Variants in DNAH12 observed in about 807,000 individuals in gnomAD.
The protein encoded by DNAH12 is axonemal beta dynein heavy chain 12.
In DNAH12, 285 loss-of-function variants were observed where a neutral mutation model predicts 371.5. The ratio of observed to expected loss-of-function variants is 0.77; its 90% CI spans 0.70 to 0.85. The LOEUF (loss-of-function observed/expected upper bound fraction) is 0.85. Among genes scored for constraint, DNAH12 ranks in the 40% least tolerant of loss-of-function variants. The probability of loss-of-function intolerance (pLI) is 0.00; values close to 1 mark genes in which losing one functional copy is unlikely to be tolerated. For synonymous variants in DNAH12, 1,200 were observed against 1,213.0 expected (o/e 0.99, Z 0.22); for missense variants, 3,611 against 3,689.4 (o/e 0.98, Z 0.55).
intron 28 of DNAH12, 53 bp from the exon 29 acceptor site, chr3:57,444,869 C>T (rs1473620141): frequency 7.2e-6 from 11 of 1,517,388 alleles, no homozygotes; most frequent in Admixed American, 4.4e-5. Flanking sequence ...AATTGCAACC[C>T]CACTTCTCCC....
chr3:57,474,574 G>C (rs1398108742), intron 13 of DNAH12, among the ~76,000 whole-genome samples: 3 of 152,116 alleles, frequency 2.0e-5, no homozygotes, highest in Non-Finnish European at 4.4e-5. Context: ...GGGATTTTAG[G>C]CATGAGCCAC....
chr3:57,323,305 T>G lies in DNAH12; in HGVS notation c.10130-45A>C, dbSNP rs571417314. On this transcript the variant is annotated intron_variant, in intron 63 of 73. Transcript: ENST00000495027. ...ATGGTCACACTACTTACTCTAAAATTATAAAAAAGTGCCTTATGTATAGGT... is the reference window on the plus strand; with the variant it reads ...ATGGTCACACTACTTACTCTAAAATGATAAAAAAGTGCCTTATGTATAGGT... 3.9e-6 allele frequency: 6 copies of G among 1,524,226 alleles called. No individual in the cohort carries two copies. The East Asian group carries it at 1.5e-4, about 37-fold the overall frequency. 94.4% of individuals were successfully genotyped at this position (1,524,226 alleles called of 1,614,324 possible). A position where few individuals can be genotyped will look rare whatever the true frequency, so the allele number is the denominator to read the frequency against.
Position 57,300,094 on chromosome 3 carries a change from C to G in DNAH12, c.11394+1641G>C, listed in dbSNP as rs144994758. 7.5e-4 allele frequency among the ~76,000 whole-genome samples: 115 copies of G among 152,322 alleles called. No homozygotes were observed. The East Asian group carries it at 0.021, about 27-fold the overall frequency. ...CTCTAGTACCACCCTACAAAACTTC[C>G]CTCCAGCCCCTGGTTCTTTGCAGAT... On this transcript the variant is annotated intron_variant, in intron 70 of 73. Coordinates refer to ENST00000495027, the MANE Select transcript of DNAH12 (RefSeq NM_001366028.2).
chr3:57,350,997 G>A (rs1553659961), intron 60 of DNAH12, among the ~76,000 whole-genome samples: 1 of 152,126 alleles, frequency 6.6e-6, no homozygotes, highest in African/African-American at 2.4e-5. Flanking sequence ...GGGGCCGGGT[G>A]CAGTGGCTCA....
rs11395278 is a variant in DNAH12, at chr3:57,516,053, C to CTTT, written c.280-5077_280-5075dup. On this transcript the variant is annotated intron_variant, in intron 4 of 73. Coordinates refer to ENST00000495027, the MANE Select transcript of DNAH12 (RefSeq NM_001366028.2). ...CCACTCCATTAATGTACTGCTTAGT[C>CTTT]TTTTTTTTTTTTTTTTTTTTTTTTT... Among the ~76,000 whole-genome samples, 564 of 72,038 alleles carry CTTT rather than the reference C, an allele frequency of 7.8e-3. 10 individuals carry two copies. Among genetic ancestry groups the CTTT allele is most frequent in the East Asian group, 0.039 (74 of 1,910 alleles). The allele number at this position is 72,038 out of a possible 152,430, so 47.3% of individuals were successfully genotyped here. A position where few individuals can be genotyped will look rare whatever the true frequency, so the allele number is the denominator to read the frequency against.
rs1415930598 is a variant in DNAH12, at chr3:57,322,871, G to A, written c.10383+136C>T. The A allele has an allele frequency of 4.8e-5, 61 of 1,261,410 alleles. No individual in the cohort carries two copies. The East Asian group carries it at 8.2e-4, about 17-fold the overall frequency. 78.1% of individuals were successfully genotyped at this position (1,261,410 alleles called of 1,614,324 possible). A position where few individuals can be genotyped will look rare whatever the true frequency, so the allele number is the denominator to read the frequency against. On this transcript the variant is annotated intron_variant, in intron 64 of 73. Transcript: ENST00000495027. ...CTTGAACCCGGGAGGCGAAGTTTGC[G>A]GTGAGCCGAAATTGCGCCACTGCAC...
Position 57,415,524 on chromosome 3 carries a change from CA to C in DNAH12, c.5754del (p.Val1919CysfsTer3), listed in dbSNP as rs1480491418. The stretch of plus-strand genomic sequence containing the variant: ...TTCATTAGCTTATCCTTCACATACA[CA>C]GATTTTCCTGTACCCGTTGGACCCA... Reference protein sequence around the residue: ...LFVGPTGTGKSVYVKDKLMNH... With the variant: ...LFVGPTGTGKXVYVKDKLMNH... On this transcript the variant is annotated frameshift_variant, in exon 38 of 74. Coordinates refer to ENST00000495027, the MANE Select transcript of DNAH12 (RefSeq NM_001366028.2). LOFTEE classifies it high-confidence loss of function. 3 of 1,550,232 alleles carry C rather than the reference CA, an allele frequency of 1.9e-6. No individual in the cohort carries two copies. The African/African-American group carries it at 4.1e-5, about 21-fold the overall frequency.
At chr3:57,549,436 G>A in the DNAH12 span, among the ~76,000 whole-genome samples, 1 of 147,190 alleles carries the variant, frequency 6.8e-6, no homozygotes, top group Non-Finnish European at 1.5e-5. Flanking sequence ...AGAATCGCTT[G>A]AACCCAGGAG....
Position 57,350,705 on chromosome 3 carries a change from A to G in DNAH12, c.9674+1380T>C, listed in dbSNP as rs181175471. Among the ~76,000 whole-genome samples the G allele has an allele frequency of 1.1e-4, 16 of 152,342 alleles. No homozygotes were observed. In the East Asian group the frequency reaches 2.3e-3, roughly 22 times the overall value. Reference sequence around the variant, plus strand: ...AGCAAAAGGCAGCATTAAGAGAAAGAAAAAGCAAACTAGAGAGTGAGTGCC... The same window carrying G: ...AGCAAAAGGCAGCATTAAGAGAAAGGAAAAGCAAACTAGAGAGTGAGTGCC... On this transcript the variant is annotated intron_variant, in intron 60 of 73. Coordinates refer to ENST00000495027, the MANE Select transcript of DNAH12 (RefSeq NM_001366028.2).
chr3:57,497,043 T>C (rs940465041), intron 11 of DNAH12, among the ~76,000 whole-genome samples: 1 of 152,186 alleles, frequency 6.6e-6, no homozygotes, highest in East Asian at 1.9e-4. Flanking sequence ...TAGGAAAATA[T>C]TTGCAAGAGC....
At chr3:57,455,214 T>C (rs1358176612) in intron 22 of DNAH12, among the ~76,000 whole-genome samples, 1 of 152,064 alleles carries the variant, frequency 6.6e-6, no homozygotes, top group African/African-American at 2.4e-5. Context: ...AAGTTTTCTA[T>C]ATAGAATACC....
chr3:57,353,362 A>AG (rs2153322959), intron 59 of DNAH12, among the ~76,000 whole-genome samples: 1 of 151,616 alleles, frequency 6.6e-6, no homozygotes, highest in African/African-American at 2.4e-5. Context: ...GCATGATCAC[A>AG]GCTCATTACA....
chr3:57,293,843 C>G lies in DNAH12; in HGVS notation c.11821G>C (p.Asp3941His), dbSNP rs1372765294. 6.5e-7 allele frequency: 1 copy of G among 1,549,402 alleles called. No homozygotes were observed. Among genetic ancestry groups the G allele is most frequent in the East Asian group, 2.5e-5 (1 of 40,812 alleles). ...NFVIAMLLKT[D>H]QPTRHWIKRG... ...TTGATCCAGTGCCGAGTAGGTTGGT[C>G]TGTTTTTAACAACATTGCAATGACA... Residue 3941 changes from aspartate (D) to histidine (H), a missense_variant, in exon 74 of 74, where the codon GAC becomes CAC. Transcript: ENST00000495027.
intron 55 of DNAH12, among the ~76,000 whole-genome samples, chr3:57,370,880 G>A (rs1454889591): frequency 3.3e-5 from 5 of 152,262 alleles, no homozygotes; most frequent in South Asian, 4.1e-4. Flanking sequence ...GGCTGGAACT[G>A]AGACCTTTGC....
At chr3:57,367,065 C>A (rs1294844286) in intron 56 of DNAH12, 144 bp from the exon 57 acceptor site, 1 of 152,128 alleles carries the variant, frequency 6.6e-6, no homozygotes, top group Non-Finnish European at 1.5e-5. Flanking sequence ...CAGTGGCTCA[C>A]ACCTATAATA....
chr3:57,498,270 C>T (rs2067384732), intron 11 of DNAH12: 3 of 533,660 alleles, frequency 5.6e-6, no homozygotes, highest in Non-Finnish European at 1.0e-5. Context: ...ATCTCATACA[C>T]TGCTGGTGAG....
intron 29 of DNAH12, among the ~76,000 whole-genome samples, chr3:57,443,489 T>C (rs540997840): frequency 1.3e-5 from 2 of 152,326 alleles, no homozygotes; most frequent in East Asian, 3.9e-4. Flanking sequence ...TTAAGCTTCA[T>C]TATAATATGT....
chr3:57,442,864 A>C (rs1447772159), intron 29 of DNAH12, among the ~76,000 whole-genome samples: 29 of 152,216 alleles, frequency 1.9e-4, no homozygotes, highest in Admixed American at 1.8e-3. Context: ...AAGTTAAGTG[A>C]TCTCTTAATG....
intron 14 of DNAH12, 118 bp downstream of exon 14, chr3:57,472,428 T>G: frequency 1.5e-6 from 2 of 1,301,086 alleles, no homozygotes; most frequent in Non-Finnish European, 1.0e-6. Context: ...AGTCTCAAAC[T>G]CATATTGACA....
Sources: gnomAD v4.1 joint callset for allele counts (sites outside exome capture counted in the v4.1 genomes callset) on GRCh38, gnomAD v4.1.1 for gene constraint, MANE v1.5 for transcripts, NCBI Gene and HGNC (gene_info 2026-07-23, HGNC 2026-07-21) for gene names.